Variants in RCOR1 observed in about 807,000 individuals in gnomAD.
RCOR1 encodes REST corepressor.
A neutral mutation model predicts 64.0 loss-of-function variants in RCOR1; 12 were observed. The observed-to-expected ratio is 0.19, with a 90% confidence interval of 0.12 to 0.30. The LOEUF (loss-of-function observed/expected upper bound fraction) is 0.30. Among genes scored for constraint, RCOR1 ranks in the 10% least tolerant of loss-of-function variants. The pLI is 1.00. For missense variants in RCOR1, 502 were observed against 621.2 expected (o/e 0.81, Z 2.04); for synonymous variants, 279 against 227.2 (o/e 1.23, Z -2.05).
At chr14:102,715,684 C>G (rs905007404) in intron 8 of RCOR1, among the ~76,000 whole-genome samples, 1 of 152,098 alleles carries the variant, frequency 6.6e-6, no homozygotes, top group Non-Finnish European at 1.5e-5. Context: ...CACACTCGGC[C>G]CTGTTCTGAT....
chr14:102,674,863 A>G (rs796427480), intron 2 of RCOR1, among the ~76,000 whole-genome samples: 13 of 152,108 alleles, frequency 8.5e-5, no homozygotes, highest in African/African-American at 3.1e-4. Flanking sequence ...TCATGAGACC[A>G]TCCTGGCTAA....
At chr14:102,720,884 G>C in intron 8 of RCOR1, 123 bp from the exon 9 acceptor site, 1 of 574,162 alleles carries the variant, frequency 1.7e-6, no homozygotes, top group South Asian at 2.5e-5. Flanking sequence ...TCAGAATTCA[G>C]CTACAACAGA....
At chr14:102,654,612 A>G (rs1894683263) in intron 2 of RCOR1, among the ~76,000 whole-genome samples, 1 of 152,144 alleles carries the variant, frequency 6.6e-6, no homozygotes, top group South Asian at 2.1e-4. Context: ...GACACCTGTA[A>G]TACCAGCACT....
At chr14:102,676,341 T>C (rs1895152970) in intron 2 of RCOR1, among the ~76,000 whole-genome samples, 6 of 139,108 alleles carry the variant, frequency 4.3e-5, no homozygotes, top group African/African-American at 8.5e-5. Flanking sequence ...GGCGGGGGGC[T>C]GACCCCCCCA....
At chr14:102,695,262 C>A (rs1173465412) in intron 3 of RCOR1, 2 of 152,214 alleles carry the variant, frequency 1.3e-5, no homozygotes, top group Non-Finnish European at 1.5e-5. Context: ...AACCACAGTT[C>A]TATTAACTTC....
At chr14:102,668,092 A>C (rs1181880946) in intron 2 of RCOR1, among the ~76,000 whole-genome samples, 1 of 152,212 alleles carries the variant, frequency 6.6e-6, no homozygotes, top group African/African-American at 2.4e-5. Flanking sequence ...TGTTTAAAAA[A>C]GTGGTAGAGA....
At chr14:102,655,492 C>G (rs1894704499) in intron 2 of RCOR1, 1 of 979,608 alleles carries the variant, frequency 1.0e-6, no homozygotes. Context: ...TTTTTATAGT[C>G]TTAATTTTTA....
intron 2 of RCOR1, among the ~76,000 whole-genome samples, chr14:102,667,629 T>C (rs916323441): frequency 4.6e-5 from 7 of 152,056 alleles, no homozygotes; most frequent in Non-Finnish European, 8.8e-5. Flanking sequence ...CAGGACAAGA[T>C]GAGAAACCAT....
chr14:102,625,158 A>G (rs954963007), intron 2 of RCOR1, among the ~76,000 whole-genome samples: 1 of 151,736 alleles, frequency 6.6e-6, no homozygotes, highest in African/African-American at 2.4e-5. Context: ...TACGGGCGTG[A>G]ACCACTGTGC....
Position 102,662,524 on chromosome 14 carries a change from C to G in RCOR1, c.362-19371C>G. The G allele has an allele frequency of 7.9e-6, 4 of 508,764 alleles. No individual in the cohort carries two copies. The Admixed American group carries it at 8.2e-5, about 10-fold the overall frequency. 31.5% of individuals were successfully genotyped at this position (508,764 alleles called of 1,614,324 possible). Reference sequence around the variant, plus strand: ...GCTTGTTTCTCCTGGGGGCGCTCTTCTGAGGATATTTGGGCTGCCCCTGGA... The same window carrying G: ...GCTTGTTTCTCCTGGGGGCGCTCTTGTGAGGATATTTGGGCTGCCCCTGGA... On this transcript the variant is annotated intron_variant, in intron 2 of 11. Coordinates refer to ENST00000262241, the MANE Select transcript of RCOR1 (RefSeq NM_015156.4).
chr14:102,657,643 G>T, intron 2 of RCOR1: 1 of 574,958 alleles, frequency 1.7e-6, no homozygotes, highest in Non-Finnish European at 2.2e-6. Flanking sequence ...TTCGAGACCA[G>T]CCTGGCTAAC....
Position 102,646,693 on chromosome 14 carries a change from TAATG to T in RCOR1, c.362-35198_362-35195del, listed in dbSNP as rs1178221586. ...GTGAATAAGGACTGTATACTAATGA[TAATG>T]AATTAATATTAATTTTTGCTTAAGT... On this transcript the variant is annotated intron_variant, in intron 2 of 11. Coordinates refer to ENST00000262241, the MANE Select transcript of RCOR1 (RefSeq NM_015156.4). 7.5e-4 allele frequency among the ~76,000 whole-genome samples: 114 copies of T among 152,228 alleles called. 1 individual carries two copies. Among genetic ancestry groups the T allele is most frequent in the Non-Finnish European group, 1.5e-5 (1 of 68,040 alleles).
At chr14:102,635,790 T>G (rs537242153) in intron 2 of RCOR1, among the ~76,000 whole-genome samples, 56 of 152,226 alleles carry the variant, frequency 3.7e-4, no homozygotes, top group African/African-American at 1.3e-3. Flanking sequence ...AATTTAGATA[T>G]AAACTCCCAA....
chr14:102,612,046 A>G (rs949270023), intron 2 of RCOR1, among the ~76,000 whole-genome samples: 1 of 151,612 alleles, frequency 6.6e-6, no homozygotes, highest in African/African-American at 2.4e-5. Flanking sequence ...GGTTCAAGCG[A>G]TCATCCCTCC....
chr14:102,620,451 C>T (rs1448850410), intron 2 of RCOR1, among the ~76,000 whole-genome samples: 4 of 152,158 alleles, frequency 2.6e-5, no homozygotes, highest in African/African-American at 7.2e-5. Context: ...CCTGTAATCC[C>T]AGCTACCCTG....
chr14:102,720,224 A>AC (rs1317198792), intron 8 of RCOR1, among the ~76,000 whole-genome samples: 7 of 152,162 alleles, frequency 4.6e-5, no homozygotes, highest in African/African-American at 2.4e-5. Context: ...CTGGTGCTTG[A>AC]CACGGATATG....
intron 2 of RCOR1, among the ~76,000 whole-genome samples, chr14:102,610,392 C>T (rs1292164188): frequency 1.3e-5 from 2 of 151,808 alleles, no homozygotes; most frequent in Admixed American, 6.6e-5. Context: ...AAATTCAGTC[C>T]TTCTGTTACA....
Position 102,681,887 on chromosome 14 carries a change from C to A in RCOR1, c.362-8C>A, listed in dbSNP as rs1895311834. Reference sequence around the variant, plus strand: ...TTAATAAGAATTTTCTTTTTTCTTTCTCCCAAGCCAAACTGGCAAGACGCA... The same window carrying A: ...TTAATAAGAATTTTCTTTTTTCTTTATCCCAAGCCAAACTGGCAAGACGCA... On this transcript the variant is annotated splice_region_variant and splice_polypyrimidine_tract_variant and intron_variant, in intron 2 of 11. Coordinates refer to ENST00000262241, the MANE Select transcript of RCOR1 (RefSeq NM_015156.4). The A allele has an allele frequency of 6.2e-7, 1 of 1,608,034 alleles. No homozygotes were observed. Among genetic ancestry groups the A allele is most frequent in the Non-Finnish European group, 8.5e-7 (1 of 1,175,584 alleles).
At position 102,592,972 on chromosome 14, in the gene RCOR1, C is replaced by G; in HGVS notation, c.86C>G (p.Ala29Gly). Residue 29 changes from alanine to glycine, a missense_variant, in exon 1 of 12, where the codon GCC (alanine) becomes GGC (glycine). Transcript: ENST00000262241. Reference protein sequence around the residue: ...NNAAASASAAAASAAASAACA... With the variant: ...NNAAASASAAGASAAASAACA... ...GCGGCCGCCTCCGCCTCCGCCGCCG[C>G]CGCCTCCGCCGCCGCCTCGGCCGCC... 3 of 1,158,430 alleles carry G rather than the reference C, an allele frequency of 2.6e-6. No homozygotes were observed. Among genetic ancestry groups the G allele is most frequent in the Non-Finnish European group, 3.2e-6 (3 of 940,220 alleles). The allele number at this position is 1,158,430 out of a possible 1,614,324, so 71.8% of individuals were successfully genotyped here. A position where few individuals can be genotyped will look rare whatever the true frequency, so the allele number is the denominator to read the frequency against.
Sources: gnomAD v4.1 joint callset for allele counts (sites outside exome capture counted in the v4.1 genomes callset) on GRCh38, gnomAD v4.1.1 for gene constraint, MANE v1.5 for transcripts, NCBI Gene and HGNC (gene_info 2026-07-23, HGNC 2026-07-21) for gene names.